The following INTS8 variants were observed in gnomAD, a reference collection of about 807,000 sequenced individuals.
INTS8 encodes protein kaonashi-1.
A neutral mutation model predicts 138.9 loss-of-function variants in INTS8; 47 were observed. The ratio of observed to expected loss-of-function variants is 0.34; its 90% CI spans 0.27 to 0.43. INTS8 has a LOEUF of 0.43. Among genes scored for constraint, INTS8 ranks in the 20% least tolerant of loss-of-function variants. The pLI is 1.00. For synonymous variants in INTS8, 392 were observed against 400.9 expected (o/e 0.98, Z 0.27); for missense variants, 996 against 1,173.0 (o/e 0.85, Z 2.20).
At chr8:94,848,522 A>C (rs983511619) in intron 10 of INTS8, among the ~76,000 whole-genome samples, 4 of 152,150 alleles carry the variant, frequency 2.6e-5, no homozygotes, top group African/African-American at 9.7e-5. Flanking sequence ...GGCAACTACT[A>C]ATCTAATTTC....
At chr8:94,849,853 T>A (rs1815465405) in intron 11 of INTS8, 63 bp from the exon 12 acceptor site, 1 of 1,222,040 alleles carries the variant, frequency 8.2e-7, no homozygotes, top group African/African-American at 1.5e-5. Flanking sequence ...TTGGTTGATA[T>A]GATTGTTTTT....
At chr8:94,841,417 A>T in intron 8 of INTS8, 74 bp from the exon 9 acceptor site, 1 of 654,456 alleles carries the variant, frequency 1.5e-6, no homozygotes, top group Non-Finnish European at 2.7e-6. Context: ...TTTCCATTAT[A>T]GAAAGACTTG....
At chr8:94,828,409 A>G (rs1461609130) in intron 4 of INTS8, among the ~76,000 whole-genome samples, 5 of 152,194 alleles carry the variant, frequency 3.3e-5, no homozygotes, top group East Asian at 1.9e-4. Context: ...ATATATGTCA[A>G]TATTAGAGTA....
intron 15 of INTS8, 121 bp downstream of exon 15, chr8:94,857,099 G>A (rs1011591298): frequency 9.8e-6 from 7 of 711,188 alleles, no homozygotes; most frequent in South Asian, 3.9e-5. Flanking sequence ...TTGAGATGGA[G>A]TGTAGCTCTG....
rs922690273 is a variant in INTS8, at chr8:94,873,451, G to T, written c.2611G>T (p.Val871Leu). The T allele has an allele frequency of 2.5e-6, 4 of 1,613,264 alleles. No individual in the cohort carries two copies. In the Admixed American group the frequency reaches 5.0e-5, roughly 20 times the overall value. Residue 871 changes from valine (V) to leucine (L), a missense_variant, in exon 22 of 27, where the codon GTG becomes TTG. Physicochemically the swap from Val to Leu is conservative, Grantham distance 32. Transcript: ENST00000523731. ...AVCSDFFNKA[V>L]PPDVYTDQVI... ...GTGTTCTGACTTCTTTAACAAGGCTGTGCCCCCTGATGTTTATACAGACCA... is the reference window on the plus strand; with the variant it reads ...GTGTTCTGACTTCTTTAACAAGGCTTTGCCCCCTGATGTTTATACAGACCA...
chr8:94,844,187 C>T (rs755074083), intron 10 of INTS8, among the ~76,000 whole-genome samples: 2 of 151,808 alleles, frequency 1.3e-5, no homozygotes, highest in African/African-American at 2.4e-5. Flanking sequence ...TACGGGCGTG[C>T]GCTACCACGC....
At chr8:94,841,424 CTTGTT>C (rs1815128170) in intron 8 of INTS8, 62 bp from the exon 9 acceptor site, 1 of 692,724 alleles carries the variant, frequency 1.4e-6, no homozygotes, top group Non-Finnish European at 2.5e-6. Context: ...TATAGAAAGA[CTTGTT>C]TAAAGTAAAA....
intron 10 of INTS8, 23 bp from the exon 11 acceptor site, chr8:94,849,439 A>G (rs759076981): frequency 1.6e-6 from 2 of 1,253,954 alleles, no homozygotes; most frequent in Non-Finnish European, 2.3e-6. Flanking sequence ...CCATATTCAA[A>G]TGAAAATTAC....
intron 5 of INTS8, 58 bp from the exon 6 acceptor site, chr8:94,831,934 T>C: frequency 7.3e-7 from 1 of 1,366,814 alleles, no homozygotes; most frequent in Non-Finnish European, 9.9e-7. Flanking sequence ...GTAAATATTT[T>C]TGGTTATTAT....
At chr8:94,839,988 C>T (rs1010953424) in intron 8 of INTS8, among the ~76,000 whole-genome samples, 5 of 152,194 alleles carry the variant, frequency 3.3e-5, no homozygotes, top group Non-Finnish European at 7.3e-5. Flanking sequence ...GAGACAAGTA[C>T]ATGTTACTGT....
chr8:94,874,438 T>C (rs1313691948), intron 22 of INTS8, 114 bp from the exon 23 acceptor site: 1 of 680,250 alleles, frequency 1.5e-6, no homozygotes, highest in Admixed American at 2.4e-5. Context: ...TTCCCATATA[T>C]CCCCCGTTCC....
At chr8:94,839,377 A>G (rs1198658065) in intron 8 of INTS8, among the ~76,000 whole-genome samples, 2 of 152,252 alleles carry the variant, frequency 1.3e-5, no homozygotes, top group Admixed American at 6.5e-5. Flanking sequence ...GAAAGCCTCC[A>G]TTCTAGAGAA....
At position 94,881,453 on chromosome 8, in the gene INTS8, A is replaced by G. The variant is rs1477274243; in HGVS notation, c.*1219A>G. 1 of 591,446 alleles carries G rather than the reference A, an allele frequency of 1.7e-6. No homozygotes were observed. The highest frequency in any genetic ancestry group is 2.9e-6 in the Non-Finnish European group (1 of 343,182). The allele number at this position is 591,446 out of a possible 1,614,324, so 36.6% of individuals were successfully genotyped here. Reference sequence around the variant, plus strand: ...TGTTTCTTTAACAGCTAACATAGGAAATAATTAAATGTATTCTTTAGTGCC... The same window carrying G: ...TGTTTCTTTAACAGCTAACATAGGAGATAATTAAATGTATTCTTTAGTGCC... On this transcript the variant is annotated 3_prime_UTR_variant, in exon 27 of 27. Coordinates refer to ENST00000523731, the MANE Select transcript of INTS8 (RefSeq NM_017864.4).
chr8:94,850,169 G>A, intron 12 of INTS8, 78 bp downstream of exon 12: 1 of 974,674 alleles, frequency 1.0e-6, no homozygotes, highest in Non-Finnish European at 1.5e-6. Context: ...ATATATTTGA[G>A]GATTCTCTCT....
In INTS8 at chr8:94,881,028, C is replaced by A. The variant is rs75876478; in HGVS notation, c.*794C>A. On this transcript the variant is annotated 3_prime_UTR_variant, in exon 27 of 27. Coordinates refer to ENST00000523731, the MANE Select transcript of INTS8 (RefSeq NM_017864.4). ...TTATTAGTTAAAAAATGTGTTATGG[C>A]AAGGCAAATAAACTAGTTTAAAAAA... is the stretch of plus-strand genomic sequence containing the variant. 5.5e-3 allele frequency: 2,176 copies of A among 398,468 alleles called. 48 individuals carry two copies. The highest frequency in any genetic ancestry group is 0.042 in the African/African-American group (2,031 of 48,684). The allele number at this position is 398,468 out of a possible 1,614,324, so 24.7% of individuals were successfully genotyped here. A position where few individuals can be genotyped will look rare whatever the true frequency, so the allele number is the denominator to read the frequency against.
intron 26 of INTS8, among the ~76,000 whole-genome samples, chr8:94,878,613 A>C (rs186711564): frequency 1.3e-5 from 2 of 151,776 alleles, no homozygotes; most frequent in African/African-American, 2.4e-5. Flanking sequence ...TATATAGTCA[A>C]CCTCTCCCAT....
chr8:94,871,920 A>T lies in INTS8; in HGVS notation c.2451A>T (p.Thr817=), dbSNP rs776596819. 13 of 1,607,718 alleles carry T rather than the reference A, an allele frequency of 8.1e-6. No individual in the cohort carries two copies. In the African/African-American group the frequency reaches 1.5e-4, roughly 18 times the overall value. ...QSVDFEAVAI[T]VKELVRYTLS... The stretch of plus-strand genomic sequence containing the variant: ...TGGACTTTGAAGCTGTGGCAATCAC[A>T]GTGAAAGAGCTAGTTCGATATACAC... Residue 817 remains threonine, a synonymous_variant, in exon 21 of 27, where the codon ACA becomes ACT. Coordinates refer to ENST00000523731, the MANE Select transcript of INTS8 (RefSeq NM_017864.4).
chr8:94,862,627 A>G (rs1238098357), intron 16 of INTS8, among the ~76,000 whole-genome samples: 1 of 152,174 alleles, frequency 6.6e-6, no homozygotes, highest in Non-Finnish European at 1.5e-5. Context: ...AAAAGGAGGA[A>G]GGATGTGTGG....
intron 6 of INTS8, among the ~76,000 whole-genome samples, chr8:94,835,740 C>T (rs1023371089): frequency 6.6e-6 from 1 of 152,130 alleles, no homozygotes; most frequent in Admixed American, 6.5e-5. Flanking sequence ...GCTGGGATTA[C>T]AGGTGTGCGC....
Sources: gnomAD v4.1 joint callset for allele counts (sites outside exome capture counted in the v4.1 genomes callset) on GRCh38, gnomAD v4.1.1 for gene constraint, MANE v1.5 for transcripts, NCBI Gene and HGNC (gene_info 2026-07-23, HGNC 2026-07-21) for gene names.